Variants in MYO16 observed in about 807,000 individuals in gnomAD.
MYO16 encodes unconventional myosin-XVI.
In MYO16, 94 loss-of-function variants were observed where a neutral mutation model predicts 205.3. The ratio of observed to expected loss-of-function variants is 0.46; its 90% CI spans 0.39 to 0.54. MYO16 has a LOEUF of 0.54. MYO16 is among the 20% of genes least tolerant of loss of function. MYO16 has a pLI of 0.00. For missense variants in MYO16, 2,315 were observed against 2,387.5 expected (o/e 0.97, Z 0.63); for synonymous variants, 988 against 954.0 (o/e 1.04, Z -0.66).
the MYO16 span, among the ~76,000 whole-genome samples, chr13:108,576,900 A>G: frequency 2.0e-5 from 3 of 152,084 alleles, no homozygotes; most frequent in Non-Finnish European, 2.9e-5. Context: ...AGCTGGGACT[A>G]CAGGCATACG....
At chr13:108,719,726 C>A (rs971264718) in intron 3 of MYO16, among the ~76,000 whole-genome samples, 1 of 152,214 alleles carries the variant, frequency 6.6e-6, no homozygotes, top group Non-Finnish European at 1.5e-5. Flanking sequence ...ATTCAATTAT[C>A]CAATTCCTAT....
chr13:108,786,678 A>G (rs111957262), intron 5 of MYO16, among the ~76,000 whole-genome samples: 1 of 152,218 alleles, frequency 6.6e-6, no homozygotes, highest in South Asian at 2.1e-4. Flanking sequence ...CTTAGCAGCA[A>G]TGAGTTCGCA....
At chr13:108,670,864 G>A (rs561284995) in intron 2 of MYO16, among the ~76,000 whole-genome samples, 3 of 152,188 alleles carry the variant, frequency 2.0e-5, no homozygotes, top group African/African-American at 4.8e-5. Context: ...CTTATCAATA[G>A]GCAGTCAATA....
chr13:108,866,479 C>T (rs1413290093), intron 12 of MYO16, among the ~76,000 whole-genome samples: 2 of 152,150 alleles, frequency 1.3e-5, no homozygotes, highest in Non-Finnish European at 2.9e-5. Context: ...TGACTATAGC[C>T]ATTAGACAGA....
chr13:108,856,767 G>A (rs554411618), intron 11 of MYO16, among the ~76,000 whole-genome samples: 11 of 152,122 alleles, frequency 7.2e-5, no homozygotes, highest in Admixed American at 2.6e-4. Context: ...TCTCCACCCC[G>A]GTGGTAAGCA....
At chr13:109,010,973 A>ATATATATATATATATATATATATATATC (rs1885576150) in intron 22 of MYO16, among the ~76,000 whole-genome samples, 1 of 138,784 alleles carries the variant, frequency 7.2e-6, no homozygotes, top group African/African-American at 2.7e-5. Context: ...ATATATATAT[A>ATATATATATATATATATATATATATATC]TATTTCTTCA....
At chr13:108,777,988 G>A (rs1443334667) in intron 4 of MYO16, among the ~76,000 whole-genome samples, 1 of 152,088 alleles carries the variant, frequency 6.6e-6, no homozygotes, top group Non-Finnish European at 1.5e-5. Context: ...AGTCTCTCTT[G>A]TTAAAATTAT....
chr13:108,533,812 G>A, the MYO16 span, among the ~76,000 whole-genome samples: 1 of 152,042 alleles, frequency 6.6e-6, no homozygotes, highest in Non-Finnish European at 1.5e-5. Flanking sequence ...GGCCTTGAAG[G>A]AAAAAATGCA....
intron 15 of MYO16, among the ~76,000 whole-genome samples, chr13:108,907,808 A>T (rs557406643): frequency 4.3e-4 from 65 of 152,278 alleles, no homozygotes; most frequent in African/African-American, 1.5e-3. Flanking sequence ...ATTAGTTTTG[A>T]ATACTGCTTC....
chr13:108,875,375 CAG>C (rs1879275871), intron 12 of MYO16, among the ~76,000 whole-genome samples: 1 of 152,142 alleles, frequency 6.6e-6, no homozygotes, highest in Admixed American at 6.5e-5. Context: ...ACTCAGAAAA[CAG>C]GGACTGCATA....
intron 4 of MYO16, among the ~76,000 whole-genome samples, chr13:108,741,542 A>G (rs533819664): frequency 6.6e-6 from 1 of 152,296 alleles, no homozygotes; most frequent in African/African-American, 2.4e-5. Context: ...AACCTCAAAA[A>G]AGGTGTATTA....
intron 8 of MYO16, among the ~76,000 whole-genome samples, chr13:108,821,963 C>T (rs2391698): frequency 0.23 from 35,637 of 151,914 alleles, 4,891 homozygotes; most frequent in East Asian, 0.65. Flanking sequence ...ACATGCAAAA[C>T]GCAAAGAGTT....
At chr13:108,740,511 G>T (rs912920676) in intron 4 of MYO16, among the ~76,000 whole-genome samples, 4 of 152,058 alleles carry the variant, frequency 2.6e-5, no homozygotes, top group Non-Finnish European at 5.9e-5. Flanking sequence ...ATCTCAGAGG[G>T]GTACCCAGCC....
chr13:108,888,278 A>G (rs1486173212), intron 13 of MYO16, 94 bp from the exon 14 acceptor site: 1 of 785,710 alleles, frequency 1.3e-6, no homozygotes, highest in East Asian at 2.7e-5. Context: ...TAATTTTTTT[A>G]CTTGTTCCTT....
the MYO16 span, among the ~76,000 whole-genome samples, chr13:108,563,118 T>G: frequency 6.6e-6 from 1 of 152,232 alleles, no homozygotes; most frequent in Non-Finnish European, 1.5e-5. Flanking sequence ...GCTTTCTGCG[T>G]TTTGTTATTG....
At chr13:109,089,651 T>A (rs1208183394) in intron 27 of MYO16, among the ~76,000 whole-genome samples, 1 of 152,208 alleles carries the variant, frequency 6.6e-6, no homozygotes, top group Non-Finnish European at 1.5e-5. Flanking sequence ...TACATTTGAC[T>A]CAAGATCCTA....
intron 5 of MYO16, among the ~76,000 whole-genome samples, chr13:108,791,612 CA>C (rs769959136): frequency 1.8e-4 from 27 of 152,278 alleles, no homozygotes; most frequent in Middle Eastern, 3.4e-3. Context: ...AACACCCAAG[CA>C]GGTTGAGTCC....
chr13:108,951,910 C>A (rs1016618539), intron 16 of MYO16, among the ~76,000 whole-genome samples: 5 of 152,006 alleles, frequency 3.3e-5, no homozygotes, highest in Admixed American at 6.6e-5. Context: ...TTGAGACTAG[C>A]CTTGCCAACA....
chr13:109,094,477 C>T (rs1314940145), intron 27 of MYO16, among the ~76,000 whole-genome samples: 3 of 152,226 alleles, frequency 2.0e-5, no homozygotes, highest in Non-Finnish European at 2.9e-5. Flanking sequence ...TCCCAAGTTG[C>T]TAGGACAACA....
Sources: gnomAD v4.1 joint callset for allele counts (sites outside exome capture counted in the v4.1 genomes callset) on GRCh38, gnomAD v4.1.1 for gene constraint, MANE v1.5 for transcripts, NCBI Gene and HGNC (gene_info 2026-07-23, HGNC 2026-07-21) for gene names.